The following MIR2052HG variants were observed in gnomAD, a reference collection of about 807,000 sequenced individuals.
MIR2052HG encodes MIR2052 host gene.
At chr8:74,723,307 C>T (rs1809598225) in intron 4 of MIR2052HG, among the ~76,000 whole-genome samples, 1 of 152,178 alleles carries the variant, frequency 6.6e-6, no homozygotes, top group Non-Finnish European at 1.5e-5. Context: ...ATCAGTGATG[C>T]TTTTTTGGCA....
chr8:74,605,286 C>A (rs1483851050), intron 1 of MIR2052HG, among the ~76,000 whole-genome samples: 1 of 152,210 alleles, frequency 6.6e-6, no homozygotes, highest in African/African-American at 2.4e-5. Flanking sequence ...ACAGCAAATT[C>A]TGCCCAGGGA....
Position 74,712,700 on chromosome 8 carries a change from CT to C in MIR2052HG, n.371+9032del, listed in dbSNP as rs34899536. ...TTCAAGACTCTTTAGCTTTTTCTGC[CT>C]TTTTTTTTTTTTTATAAATCTATTC... On this transcript the variant is annotated intron_variant and non_coding_transcript_variant, in intron 4 of 6. Transcript: ENST00000523442. Among the ~76,000 whole-genome samples, 814 of 143,426 alleles carry C rather than the reference CT, an allele frequency of 5.7e-3. 7 individuals carry two copies. Among genetic ancestry groups the C allele is most frequent in the African/African-American group, 0.016 (643 of 39,324 alleles). The allele number at this position is 143,426 out of a possible 152,430, so 94.1% of individuals were successfully genotyped here.
chr8:74,715,447 A>G (rs943382369), intron 4 of MIR2052HG, among the ~76,000 whole-genome samples: 5 of 152,214 alleles, frequency 3.3e-5, no homozygotes, highest in South Asian at 2.1e-4. Flanking sequence ...ACTTTACACA[A>G]AAAAGATATA....
At chr8:74,661,213 T>C (rs1023462653) in intron 2 of MIR2052HG, among the ~76,000 whole-genome samples, 1 of 150,862 alleles carries the variant, frequency 6.6e-6, no homozygotes, top group African/African-American at 2.4e-5. Flanking sequence ...TTTTTTTTTT[T>C]TTTTTCGAGA....
intron 4 of MIR2052HG, among the ~76,000 whole-genome samples, chr8:74,715,119 C>T (rs1317310814): frequency 6.6e-6 from 1 of 151,934 alleles, no homozygotes; most frequent in Non-Finnish European, 1.5e-5. Flanking sequence ...TAGAATATTT[C>T]TATTACTATT....
At chr8:74,654,915 G>T (rs1233265201) in intron 2 of MIR2052HG, among the ~76,000 whole-genome samples, 1 of 152,126 alleles carries the variant, frequency 6.6e-6, no homozygotes, top group African/African-American at 2.4e-5. Context: ...TTGACCAAAA[G>T]CCTGATAGTA....
intron 2 of MIR2052HG, among the ~76,000 whole-genome samples, chr8:74,620,711 C>T (rs895134176): frequency 6.6e-6 from 1 of 152,200 alleles, no homozygotes; most frequent in African/African-American, 2.4e-5. Context: ...TTGGGCTGGG[C>T]CCCTGAAACC....
At chr8:74,687,127 G>A (rs958194942) in intron 2 of MIR2052HG, among the ~76,000 whole-genome samples, 2 of 152,100 alleles carry the variant, frequency 1.3e-5, no homozygotes, top group African/African-American at 2.4e-5. Context: ...TCAGGGCAAT[G>A]CAATCAAAAC....
intron 1 of MIR2052HG, among the ~76,000 whole-genome samples, chr8:74,611,125 C>G (rs1337667590): frequency 6.6e-6 from 1 of 151,852 alleles, no homozygotes; most frequent in Non-Finnish European, 1.5e-5. Flanking sequence ...TCTTTCAAAA[C>G]TCAATAATAA....
Position 74,604,328 on chromosome 8 carries a change from G to A in MIR2052HG, n.128+4420G>A, listed in dbSNP as rs1251589984. ...GGGGTGAAAGCCAAAAACTGCTGGC[G>A]CGAGGCGACTGAGGGGAAAAGGGGA... is the stretch of plus-strand genomic sequence containing the variant. On this transcript the variant is annotated intron_variant and non_coding_transcript_variant, in intron 1 of 6. Coordinates refer to ENST00000523442, the Ensembl canonical transcript of MIR2052HG. 22 of 617,924 alleles carry A rather than the reference G, an allele frequency of 3.6e-5. No homozygotes were observed. The East Asian group carries it at 7.0e-4, about 20-fold the overall frequency. 38.3% of individuals were successfully genotyped at this position (617,924 alleles called of 1,614,324 possible). A position where few individuals can be genotyped will look rare whatever the true frequency, so the allele number is the denominator to read the frequency against.
intron 4 of MIR2052HG, among the ~76,000 whole-genome samples, chr8:74,736,856 G>A (rs1034305426): frequency 3.9e-5 from 6 of 152,248 alleles, no homozygotes; most frequent in African/African-American, 9.6e-5. Flanking sequence ...AGGGCCCTCC[G>A]GGACCATTTC....
In MIR2052HG at chr8:74,712,378, A is replaced by G. The variant is rs541033823; in HGVS notation, n.371+8696A>G. Among the ~76,000 whole-genome samples the G allele has an allele frequency of 2.6e-5, 4 of 152,328 alleles. No individual in the cohort carries two copies. In the South Asian group the frequency reaches 6.2e-4, roughly 24 times the overall value. ...TTTCAAATGCCCATCATTCTGGCTAAAGAAACTTAAAAATGGGAGGAAACT... is the reference window on the plus strand; with the variant it reads ...TTTCAAATGCCCATCATTCTGGCTAGAGAAACTTAAAAATGGGAGGAAACT... On this transcript the variant is annotated intron_variant and non_coding_transcript_variant, in intron 4 of 6. Coordinates refer to ENST00000523442, the Ensembl canonical transcript of MIR2052HG.
Position 74,603,418 on chromosome 8 carries a change from A to G in MIR2052HG, n.128+3510A>G, listed in dbSNP as rs543181405. Reference sequence around the variant, plus strand: ...AGTAGATCCTTCCACTGGGTTCGCAATTTTGATCTGTGCCCCAGACATCTG... The same window carrying G: ...AGTAGATCCTTCCACTGGGTTCGCAGTTTTGATCTGTGCCCCAGACATCTG... On this transcript the variant is annotated intron_variant and non_coding_transcript_variant, in intron 1 of 6. Coordinates refer to ENST00000523442, the Ensembl canonical transcript of MIR2052HG. 1.5e-5 allele frequency: 24 copies of G among 1,609,738 alleles called. No homozygotes were observed. In the East Asian group the frequency reaches 4.7e-4, roughly 31 times the overall value.
intron 2 of MIR2052HG, among the ~76,000 whole-genome samples, chr8:74,613,172 C>T (rs1295405523): frequency 6.6e-6 from 1 of 152,128 alleles, no homozygotes; most frequent in East Asian, 1.9e-4. Flanking sequence ...CCGGCAACTA[C>T]AAATATAGCA....
intron 2 of MIR2052HG, among the ~76,000 whole-genome samples, chr8:74,684,671 C>G (rs144585819): frequency 1.4e-4 from 21 of 152,152 alleles, no homozygotes; most frequent in African/African-American, 4.6e-4. Flanking sequence ...TTTTTGTTGA[C>G]TTGCAACCTT....
intron 4 of MIR2052HG, among the ~76,000 whole-genome samples, chr8:74,719,849 C>T (rs113950301): frequency 3.5e-3 from 377 of 106,536 alleles, no homozygotes; most frequent in Middle Eastern, 0.025. Flanking sequence ...TTTCTTTTTT[C>T]TTTTTTTTTT....
At chr8:74,746,144 A>T (rs1809883266) in intron 4 of MIR2052HG, among the ~76,000 whole-genome samples, 1 of 152,186 alleles carries the variant, frequency 6.6e-6, no homozygotes, top group South Asian at 2.1e-4. Flanking sequence ...AGATTCTCTC[A>T]ATCACTCGCA....
chr8:74,741,264 C>T (rs956285235), intron 4 of MIR2052HG, among the ~76,000 whole-genome samples: 6 of 152,282 alleles, frequency 3.9e-5, no homozygotes, highest in Middle Eastern at 3.4e-3. Context: ...AAAATGTGCT[C>T]TTCCACATAA....
intron 4 of MIR2052HG, among the ~76,000 whole-genome samples, chr8:74,721,289 G>A (rs1010733022): frequency 2.0e-5 from 3 of 152,162 alleles, no homozygotes; most frequent in African/African-American, 7.2e-5. Context: ...TAGCTGCAAG[G>A]AAAGCTATAT....
Sources: allele counts gnomAD v4.1 joint callset (sites outside exome capture counted in the v4.1 genomes callset), GRCh38; gene constraint gnomAD v4.1.1; transcripts MANE v1.5; gene names NCBI Gene and HGNC (gene_info 2026-07-23, HGNC 2026-07-21).